The following SLC4A5 variants were observed in gnomAD, a reference collection of about 807,000 sequenced individuals.
SLC4A5 encodes the protein electrogenic sodium bicarbonate cotransporter 4.
A neutral mutation model predicts 120.4 loss-of-function variants in SLC4A5; 96 were observed. That is an observed-to-expected ratio of 0.80 (90% CI 0.68 to 0.94). SLC4A5 has a LOEUF of 0.94. SLC4A5 is among the 40% of genes least tolerant of loss of function. The pLI is 0.00. For synonymous variants in SLC4A5, 550 were observed against 571.1 expected (o/e 0.96, Z 0.53); for missense variants, 1,259 against 1,459.5 (o/e 0.86, Z 2.24).
At chr2:74,319,859 G>T (rs1189645607) in intron 5 of SLC4A5, among the ~76,000 whole-genome samples, 1 of 152,156 alleles carries the variant, frequency 6.6e-6, no homozygotes, top group Non-Finnish European at 1.5e-5. Flanking sequence ...CTAGAAAGTG[G>T]CTATCTTGGT....
At chr2:74,326,914 T>A (rs3771740) in intron 5 of SLC4A5, among the ~76,000 whole-genome samples, 33,699 of 151,942 alleles carry the variant, frequency 0.22, 5,395 homozygotes, top group East Asian at 0.47. Flanking sequence ...AGCAGCAAGG[T>A]GGTGGTGACA....
intron 8 of SLC4A5, among the ~76,000 whole-genome samples, chr2:74,268,337 G>A (rs769809122): frequency 5.3e-5 from 8 of 152,094 alleles, no homozygotes; most frequent in African/African-American, 9.7e-5. Flanking sequence ...AGATCTCCTC[G>A]TGCATGCATG....
At position 74,320,323 on chromosome 2, in the gene SLC4A5, A is replaced by C. The variant is rs565314021; in HGVS notation, c.-2-5298T>G. Reference sequence around the variant, plus strand: ...ACTTTCGATCAGCTCAGAAAAAATTAATTTTTAAAAAATCCACTCCAAGTC... The same window carrying C: ...ACTTTCGATCAGCTCAGAAAAAATTCATTTTTAAAAAATCCACTCCAAGTC... On this transcript the variant is annotated intron_variant, in intron 5 of 30. Transcript: ENST00000394019. 2.6e-4 allele frequency among the ~76,000 whole-genome samples: 39 copies of C among 152,324 alleles called. 1 individual carries two copies. Among genetic ancestry groups the C allele is most frequent in the East Asian group, 2.3e-3 (12 of 5,184 alleles).
At chr2:74,221,372 C>T in intron 30 of SLC4A5, 62 bp downstream of exon 30, 4 of 1,327,964 alleles carry the variant, frequency 3.0e-6, no homozygotes, top group Non-Finnish European at 4.3e-6. Flanking sequence ...AGACCCTCCA[C>T]CTTCCCGGCC....
At chr2:74,261,535 T>C (rs977325768) in intron 11 of SLC4A5, among the ~76,000 whole-genome samples, 1 of 152,358 alleles carries the variant, frequency 6.6e-6, no homozygotes, top group East Asian at 1.9e-4. Flanking sequence ...CTGCTTTTTC[T>C]TTTTCACTTC....
At chr2:74,282,713 G>T (rs1671851896) in intron 8 of SLC4A5, among the ~76,000 whole-genome samples, 1 of 152,222 alleles carries the variant, frequency 6.6e-6, no homozygotes, top group Non-Finnish European at 1.5e-5. Flanking sequence ...GGGGCCATAA[G>T]GCCTTCTTGG....
At chr2:74,328,750 A>G (rs2104334212) in intron 4 of SLC4A5, among the ~76,000 whole-genome samples, 1 of 152,328 alleles carries the variant, frequency 6.6e-6, no homozygotes, top group Non-Finnish European at 1.5e-5. Context: ...TAGAGCTTTG[A>G]GGACTGCTGA....
At chr2:74,310,961 AATT>A (rs142712358) in intron 6 of SLC4A5, among the ~76,000 whole-genome samples, 1 of 146,110 alleles carries the variant, frequency 6.8e-6, no homozygotes, top group Non-Finnish European at 1.5e-5. Context: ...GTAAGTTGTT[AATT>A]ATTATTATCT....
At chr2:74,277,573 AT>A (rs1346762860) in intron 8 of SLC4A5, among the ~76,000 whole-genome samples, 1 of 152,180 alleles carries the variant, frequency 6.6e-6, no homozygotes, top group Non-Finnish European at 1.5e-5. Context: ...AAAAAAAAAA[AT>A]AAAGTACTGT....
At chr2:74,265,322 T>TGA in intron 8 of SLC4A5, 58 bp from the exon 9 acceptor site, 1 of 1,577,348 alleles carries the variant, frequency 6.3e-7, no homozygotes, top group South Asian at 1.2e-5. Context: ...AGGCCTCACC[T>TGA]GGGTCTCCCC....
At chr2:74,247,117 A>G in exon 19 of SLC4A5, 1 of 1,614,208 alleles carries the variant, frequency 6.2e-7, no homozygotes, top group Non-Finnish European at 8.5e-7. Context: ...TAGTACTTGA[A>G]GGCACCGATC....
At chr2:74,294,758 G>A (rs542375620) in intron 7 of SLC4A5, among the ~76,000 whole-genome samples, 3 of 149,912 alleles carry the variant, frequency 2.0e-5, no homozygotes, top group East Asian at 3.9e-4. Context: ...TACAACCTCC[G>A]CCTCCAGTGT....
rs55689286 is a variant in SLC4A5 at position 74,229,104 on chromosome 2, C to CTTTTTTTTTTTTTTTT, written c.2848-1227_2848-1226insAAAAAAAAAAAAAAAA. Among the ~76,000 whole-genome samples, 113 of 98,586 alleles carry CTTTTTTTTTTTTTTTT rather than the reference C, an allele frequency of 1.1e-3. 3 individuals carry two copies. The highest frequency in any genetic ancestry group is 1.4e-3 in the Non-Finnish European group (79 of 56,670). 64.7% of individuals were successfully genotyped at this position (98,586 alleles called of 152,430 possible). A position where few individuals can be genotyped will look rare whatever the true frequency, so the allele number is the denominator to read the frequency against. On this transcript the variant is annotated intron_variant, in intron 25 of 30. Transcript: ENST00000394019. ...AAAGAAGTCTGTTCTTAGATTTGAG[C>CTTTTTTTTTTTTTTTT]TTTTTTTTTTTTCTTGAGACAGAGT... is the stretch of plus-strand genomic sequence containing the variant.
chr2:74,331,151 G>A (rs1311853134), intron 4 of SLC4A5, among the ~76,000 whole-genome samples: 5 of 143,024 alleles, frequency 3.5e-5, no homozygotes, highest in Admixed American at 1.4e-4. Flanking sequence ...CTAGATGGAC[G>A]TGGTGAGGTC....
intron 9 of SLC4A5, among the ~76,000 whole-genome samples, 184 bp from the exon 10 acceptor site, chr2:74,264,483 A>G (rs1467607483): frequency 3.0e-5 from 3 of 99,336 alleles, no homozygotes; most frequent in African/African-American, 1.8e-4. Flanking sequence ...CTCCTGTTCA[A>G]GGGCACGTGT....
At chr2:74,224,855 C>T in exon 28 of SLC4A5, 1 of 1,612,198 alleles carries the variant, frequency 6.2e-7, no homozygotes, top group Non-Finnish European at 8.5e-7. Context: ...CATCACAGTC[C>T]TCGTGGGCCC....
At chr2:74,276,576 T>C (rs1418681802) in intron 8 of SLC4A5, among the ~76,000 whole-genome samples, 1 of 150,836 alleles carries the variant, frequency 6.6e-6, no homozygotes, top group Non-Finnish European at 1.5e-5. Flanking sequence ...GCACCACCTA[T>C]ACTCTCATAG....
At position 74,306,703 on chromosome 2, in the gene SLC4A5, A is replaced by C. The variant is rs1316723194; in HGVS notation, c.80-2023T>G. 5.2e-6 allele frequency: 6 copies of C among 1,143,016 alleles called. No individual in the cohort carries two copies. In the South Asian group the frequency reaches 7.9e-5, roughly 15 times the overall value. 70.8% of individuals were successfully genotyped at this position (1,143,016 alleles called of 1,614,324 possible). A position where few individuals can be genotyped will look rare whatever the true frequency, so the allele number is the denominator to read the frequency against. On this transcript the variant is annotated intron_variant, in intron 6 of 30. Transcript: ENST00000394019. Reference sequence around the variant, plus strand: ...TTTTTATTGGCCTCCTGCTCCCCAAAGGGTACCCTGCTTCTGCTGGCTTAA... The same window carrying C: ...TTTTTATTGGCCTCCTGCTCCCCAACGGGTACCCTGCTTCTGCTGGCTTAA...
intron 5 of SLC4A5, among the ~76,000 whole-genome samples, chr2:74,323,931 A>G (rs1673153798): frequency 6.6e-6 from 1 of 152,242 alleles, no homozygotes; most frequent in Non-Finnish European, 1.5e-5. Flanking sequence ...GAAAAAGCTA[A>G]AAGAATTCCT....
Sources: allele counts gnomAD v4.1 joint callset (sites outside exome capture counted in the v4.1 genomes callset), GRCh38; gene constraint gnomAD v4.1.1; transcripts MANE v1.5; gene names NCBI Gene and HGNC (gene_info 2026-07-23, HGNC 2026-07-21).